The following HEATR5B variants were observed in gnomAD, a reference collection of about 807,000 sequenced individuals.
The protein encoded by HEATR5B is HEAT repeat containing 5B, also known as HEAT repeat-containing protein 5B.
Under a neutral mutation model 224.1 loss-of-function variants are expected in HEATR5B, and 156 were observed. That is an observed-to-expected ratio of 0.70 (90% CI 0.61 to 0.80). The LOEUF (loss-of-function observed/expected upper bound fraction) is 0.80, where lower values mean the gene tolerates loss of function less well. Among genes scored for constraint, HEATR5B ranks in the 30% least tolerant of loss-of-function variants. The pLI is 0.00. For synonymous variants in HEATR5B, 1,027 were observed against 893.0 expected (o/e 1.15, Z -2.68); for missense variants, 2,323 against 2,535.5 (o/e 0.92, Z 1.80).
At position 37,009,213 on chromosome 2, in the gene HEATR5B, G is replaced by A. The variant is rs187176286; in HGVS notation, c.4285-365C>T. ...GCGGAGGTTGCAGTGAGCCGAGATCGCGCTGCTGCACTCCAGCCTGGTGAC... is the reference window on the plus strand; with the variant it reads ...GCGGAGGTTGCAGTGAGCCGAGATCACGCTGCTGCACTCCAGCCTGGTGAC... On this transcript the variant is annotated intron_variant, in intron 27 of 35. Coordinates refer to ENST00000233099, the MANE Select transcript of HEATR5B (RefSeq NM_019024.3). 4.5e-4 allele frequency among the ~76,000 whole-genome samples: 65 copies of A among 143,056 alleles called. No homozygotes were observed. The East Asian group carries it at 6.0e-3, about 13-fold the overall frequency. The allele number at this position is 143,056 out of a possible 152,430, so 93.9% of individuals were successfully genotyped here. A position where few individuals can be genotyped will look rare whatever the true frequency, so the allele number is the denominator to read the frequency against.
chr2:37,035,073 A>G (rs1464312618), intron 21 of HEATR5B, among the ~76,000 whole-genome samples: 1 of 152,234 alleles, frequency 6.6e-6, no homozygotes, highest in African/African-American at 2.4e-5. Flanking sequence ...ATGGTAAAAC[A>G]TATATGGAGA....
At chr2:37,077,882 A>G (rs1055212765) in intron 3 of HEATR5B, among the ~76,000 whole-genome samples, 1 of 152,222 alleles carries the variant, frequency 6.6e-6, no homozygotes, top group African/African-American at 2.4e-5. Context: ...AACCTGTAAA[A>G]TTTAATCTAA....
intron 3 of HEATR5B, 60 bp downstream of exon 3, chr2:37,079,055 TCCTAC>T: frequency 2.0e-6 from 2 of 979,664 alleles, no homozygotes; most frequent in South Asian, 3.3e-5. Flanking sequence ...GTCCATAGTC[TCCTAC>T]TAAGTTTCCT....
chr2:37,050,330 T>C (rs1228770683), intron 17 of HEATR5B, among the ~76,000 whole-genome samples: 1 of 152,232 alleles, frequency 6.6e-6, no homozygotes, highest in African/African-American at 2.4e-5. Flanking sequence ...GGTAATTACT[T>C]TCCTAAATAC....
intron 24 of HEATR5B, among the ~76,000 whole-genome samples, chr2:37,025,106 T>C (rs1668685976): frequency 6.6e-6 from 1 of 152,218 alleles, no homozygotes; most frequent in Non-Finnish European, 1.5e-5. Flanking sequence ...TTATTGGGTC[T>C]ATACTTTTTC....
rs549149477 is a variant in HEATR5B at position 36,996,755 on chromosome 2, G to A, written c.5545+3831C>T. Among the ~76,000 whole-genome samples the A allele has an allele frequency of 3.9e-5, 6 of 152,204 alleles. No individual in the cohort carries two copies. The East Asian group carries it at 5.8e-4, about 15-fold the overall frequency. Reference sequence around the variant, plus strand: ...TTACAGGCATGTGCCACCACGCCCAGCTAATTTTGTATTTTTAGTAGAGAC... The same window carrying A: ...TTACAGGCATGTGCCACCACGCCCAACTAATTTTGTATTTTTAGTAGAGAC... On this transcript the variant is annotated intron_variant, in intron 33 of 35. Transcript: ENST00000233099.
At chr2:37,009,727 A>AG (rs1667668477) in intron 27 of HEATR5B, among the ~76,000 whole-genome samples, 1 of 151,652 alleles carries the variant, frequency 6.6e-6, no homozygotes, top group Non-Finnish European at 1.5e-5. Flanking sequence ...TAGCCTTCTC[A>AG]GAGTTTTTTC....
chr2:37,074,741 T>A (rs970914313), intron 5 of HEATR5B, among the ~76,000 whole-genome samples: 21 of 152,168 alleles, frequency 1.4e-4, no homozygotes, highest in Non-Finnish European at 2.1e-4. Context: ...GACAAAAGAT[T>A]GAGCACATCC....
chr2:37,082,214 C>T (rs534849015), intron 2 of HEATR5B, among the ~76,000 whole-genome samples: 1 of 151,554 alleles, frequency 6.6e-6, no homozygotes, highest in African/African-American at 2.4e-5. Flanking sequence ...GGATTACAGG[C>T]GCCCACGACC....
chr2:36,993,644 G>A (rs922608420), intron 33 of HEATR5B, among the ~76,000 whole-genome samples: 8 of 152,010 alleles, frequency 5.3e-5, no homozygotes, highest in African/African-American at 1.9e-4. Flanking sequence ...ATGGAAAAAT[G>A]GCAACTTCAT....
At chr2:37,027,822 T>C in intron 24 of HEATR5B, 101 bp downstream of exon 24, 2 of 1,240,362 alleles carry the variant, frequency 1.6e-6, no homozygotes, top group Non-Finnish European at 1.1e-6. Context: ...AATGGCATAT[T>C]CTAAAGCACG....
At chr2:37,010,353 T>C (rs1205892302) in intron 27 of HEATR5B, among the ~76,000 whole-genome samples, 1 of 152,138 alleles carries the variant, frequency 6.6e-6, no homozygotes, top group Non-Finnish European at 1.5e-5. Flanking sequence ...AGAAGCACTG[T>C]GTCTTACCCC....
chr2:37,036,947 C>T (rs1326270423), intron 21 of HEATR5B, among the ~76,000 whole-genome samples: 1 of 151,500 alleles, frequency 6.6e-6, no homozygotes, highest in African/African-American at 2.4e-5. Context: ...AAACTATAAA[C>T]TTTACTATGA....
At chr2:36,983,568 A>C (rs1665728007) in intron 35 of HEATR5B, among the ~76,000 whole-genome samples, 1 of 151,324 alleles carries the variant, frequency 6.6e-6, no homozygotes, top group Non-Finnish European at 1.5e-5. Flanking sequence ...AAACAAAAAA[A>C]CCCAAAAATA....
At chr2:36,988,567 G>A in intron 35 of HEATR5B, 79 bp downstream of exon 35, 1 of 1,283,850 alleles carries the variant, frequency 7.8e-7, no homozygotes, top group Non-Finnish European at 1.1e-6. Context: ...CAGCAGGCCT[G>A]TTTCTAATAT....
rs150622909 is a variant in HEATR5B, at chr2:37,064,733, G to A, written c.1584+7C>T. On this transcript the variant is annotated splice_region_variant and intron_variant, in intron 10 of 35. Coordinates refer to ENST00000233099, the MANE Select transcript of HEATR5B (RefSeq NM_019024.3). ...CAGCATTCCCAAGTCTAGGATCTCCGTCATACCTTTCCTTTGGCATGAGGA... is the reference window on the plus strand; with the variant it reads ...CAGCATTCCCAAGTCTAGGATCTCCATCATACCTTTCCTTTGGCATGAGGA... 472 of 1,613,602 alleles carry A rather than the reference G, an allele frequency of 2.9e-4. 1 individual carries two copies. The Admixed American group carries it at 3.6e-3, about 12-fold the overall frequency.
In HEATR5B at chr2:37,078,220, G is replaced by A. The variant is rs528246039; in HGVS notation, c.338+900C>T. On this transcript the variant is annotated intron_variant, in intron 3 of 35. Transcript: ENST00000233099. ...ATCTGAGCAATTTACAGATAAGAGA[G>A]GTTAACTAAATTTAGCTCACAATCA... Among the ~76,000 whole-genome samples, 29 of 152,276 alleles carry A rather than the reference G, an allele frequency of 1.9e-4. No individual in the cohort carries two copies. The South Asian group carries it at 3.9e-3, about 21-fold the overall frequency.
chr2:37,060,835 G>A (rs1671240760), intron 11 of HEATR5B, 102 bp from the exon 12 acceptor site: 3 of 877,272 alleles, frequency 3.4e-6, no homozygotes, highest in Non-Finnish European at 5.2e-6. Context: ...TAATTTTAGA[G>A]ATGAAAATAG....
At chr2:36,998,960 A>G (rs188587094) in intron 33 of HEATR5B, among the ~76,000 whole-genome samples, 5 of 152,338 alleles carry the variant, frequency 3.3e-5, no homozygotes, top group Non-Finnish European at 7.3e-5. Context: ...CACACCCGTA[A>G]TCCCAGCACT....
Sources: allele counts gnomAD v4.1 joint callset (sites outside exome capture counted in the v4.1 genomes callset), GRCh38; gene constraint gnomAD v4.1.1; transcripts MANE v1.5; gene names NCBI Gene and HGNC (gene_info 2026-07-23, HGNC 2026-07-21).